The following ZDHHC23 variants were observed in gnomAD, a reference collection of about 807,000 sequenced individuals.
ZDHHC23 encodes the protein zDHHC palmitoyltransferase 23, also known as palmitoyltransferase ZDHHC23.
Under a neutral mutation model 40.2 loss-of-function variants are expected in ZDHHC23, and 41 were observed. That is an observed-to-expected ratio of 1.02 (90% CI 0.79 to 1.32). The LOEUF (loss-of-function observed/expected upper bound fraction) is 1.32. Among genes scored for constraint, ZDHHC23 ranks in the 40% most tolerant of loss-of-function variants. The probability of loss-of-function intolerance (pLI) is 0.00; values close to 1 mark genes in which losing one functional copy is unlikely to be tolerated. For synonymous variants in ZDHHC23, 204 were observed against 210.2 expected, an observed-to-expected ratio of 0.97 and a Z score of 0.26; for missense variants, 471 against 541.5, an observed-to-expected ratio of 0.87 and a Z score of 1.29.
rs1272504356 is a variant in ZDHHC23 at position 113,962,842 on chromosome 3, G to C, written c.*4212G>C. The C allele has an allele frequency of 6.6e-6, 1 of 152,094 alleles. No homozygotes were observed. The highest frequency in any genetic ancestry group is 1.5e-5 in the Non-Finnish European group (1 of 68,012). 9.4% of individuals were successfully genotyped at this position (152,094 alleles called of 1,614,324 possible). On this transcript the variant is annotated 3_prime_UTR_variant, in exon 5 of 5. Transcript: ENST00000638807. Reference sequence around the variant, plus strand: ...CATTTTGCACTGTTTTTATATACTTGTATTCATATCCTCTTATCACCTCAG... The same window carrying C: ...CATTTTGCACTGTTTTTATATACTTCTATTCATATCCTCTTATCACCTCAG...
rs1312518264 is a variant in ZDHHC23 at position 113,953,984 on chromosome 3, T to C, written c.446T>C (p.Leu149Pro). Reference protein sequence around the residue: ...LFFLSLGLFSLGYMYYVFLQE... With the variant: ...LFFLSLGLFSPGYMYYVFLQE... ...TTCCTGAGCCTTGGACTGTTCTCTC[T>C]GGGCTACATGTACTATGTGTTCCTG... is the stretch of plus-strand genomic sequence containing the variant. The change falls in exon 3 of 5, where the codon CTG becomes CCG. Residue 149 changes from leucine to proline, a missense_variant. Coordinates refer to ENST00000638807, the MANE Select transcript of ZDHHC23 (RefSeq NM_001320466.2). 6.2e-7 allele frequency: 1 copy of C among 1,614,166 alleles called. No individual in the cohort carries two copies. The highest frequency in any genetic ancestry group is 1.1e-5 in the South Asian group (1 of 91,070).
chr3:113,968,276 C>T (rs1217199351), downstream of ZDHHC23, among the ~76,000 whole-genome samples: 1 of 152,186 alleles, frequency 6.6e-6, no homozygotes, highest in African/African-American at 2.4e-5. Flanking sequence ...TTCCCTTTCT[C>T]CATATCCTCA....
Position 113,959,272 on chromosome 3 carries a change from AT to A in ZDHHC23, c.*645del. Reference sequence around the variant, plus strand: ...TATACCTTGTTGTACAGTTATGAGAATTTCTCCTTCTTATTAGACATGAACT... The same window carrying A: ...TATACCTTGTTGTACAGTTATGAGAATTCTCCTTCTTATTAGACATGAACT... On this transcript the variant is annotated 3_prime_UTR_variant, in exon 5 of 5. Transcript: ENST00000638807. 1 of 1,085,350 alleles carries A rather than the reference AT, an allele frequency of 9.2e-7. No homozygotes were observed. The highest frequency in any genetic ancestry group is 1.1e-6 in the Non-Finnish European group (1 of 881,200). 67.2% of individuals were successfully genotyped at this position (1,085,350 alleles called of 1,614,324 possible).
chr3:113,956,438 C>T lies in ZDHHC23; in HGVS notation c.972C>T (p.Asp324=). ...TSVYGITLTL[D]TICRDRSVFT... is the part of the protein sequence containing the mutation. ...TGTATGGGATCACACTGACCTTGGA[C>T]ACCATTTGTAGAGACAGAAGTGTCT... is the stretch of plus-strand genomic sequence containing the variant. The change falls in exon 4 of 5, where the codon GAC becomes GAT. Residue 324 remains aspartate, a synonymous_variant. Transcript: ENST00000638807. 6.2e-7 allele frequency: 1 copy of T among 1,614,208 alleles called. No homozygotes were observed.
Position 113,948,750 on chromosome 3 carries a change from T to C in ZDHHC23, c.-53T>C. 2 of 1,609,256 alleles carry C rather than the reference T, an allele frequency of 1.2e-6. No individual in the cohort carries two copies. Among genetic ancestry groups the C allele is most frequent in the Non-Finnish European group, 1.7e-6 (2 of 1,176,998 alleles). On this transcript the variant is annotated 5_prime_UTR_variant, in exon 2 of 5. Coordinates refer to ENST00000638807, the MANE Select transcript of ZDHHC23 (RefSeq NM_001320466.2). ...TTTACGAGATGTAAGTTGTGTTCTTTCCACCTTTACCTTCTGAGGGCTTCT... is the reference window on the plus strand; with the variant it reads ...TTTACGAGATGTAAGTTGTGTTCTTCCCACCTTTACCTTCTGAGGGCTTCT...
the ZDHHC23 span, chr3:113,978,648 A>G: frequency 1.5e-4 from 95 of 616,846 alleles, 1 homozygote; most frequent in East Asian, 2.6e-3. Context: ...GTTTATACAC[A>G]CTCCGTGAAA....
intron 2 of ZDHHC23, among the ~76,000 whole-genome samples, chr3:113,949,419 C>T (rs1938449857): frequency 6.6e-6 from 1 of 152,214 alleles, no homozygotes; most frequent in South Asian, 2.1e-4. Context: ...GCTGTTAGTA[C>T]TGGTCTTGCC....
At chr3:113,971,046 A>G in the ZDHHC23 span, among the ~76,000 whole-genome samples, 1 of 152,206 alleles carries the variant, frequency 6.6e-6, no homozygotes, top group Non-Finnish European at 1.5e-5. Context: ...GTGTCTTTAT[A>G]GCAGCATGAT....
chr3:113,979,382 T>C, the ZDHHC23 span, among the ~76,000 whole-genome samples: 10 of 152,228 alleles, frequency 6.6e-5, no homozygotes, highest in African/African-American at 2.4e-4. Context: ...CCTCTCTTTC[T>C]CATGACTTAA....
chr3:113,979,307 G>A, the ZDHHC23 span, among the ~76,000 whole-genome samples: 3 of 152,172 alleles, frequency 2.0e-5, no homozygotes, highest in African/African-American at 7.2e-5. Context: ...CTGAGTTTTG[G>A]AGTGGGTAGC....
chr3:113,959,348 T>C lies in ZDHHC23; in HGVS notation c.*718T>C. 1 of 1,109,600 alleles carries C rather than the reference T, an allele frequency of 9.0e-7. No homozygotes were observed. Among genetic ancestry groups the C allele is most frequent in the Middle Eastern group, 4.4e-4 (1 of 2,266 alleles). 68.7% of individuals were successfully genotyped at this position (1,109,600 alleles called of 1,614,324 possible). On this transcript the variant is annotated 3_prime_UTR_variant, in exon 5 of 5. Transcript: ENST00000638807. ...TGGATTGATGCTAAGTTGTCTCATC[T>C]TGAAAAGACAGTTGACAACAGTTAT...
chr3:113,949,520 C>T (rs1236798269), intron 2 of ZDHHC23, among the ~76,000 whole-genome samples: 1 of 152,210 alleles, frequency 6.6e-6, no homozygotes, highest in East Asian at 1.9e-4. Flanking sequence ...CTTGATTGAT[C>T]ATACTGTATT....
chr3:113,960,700 T>A lies in ZDHHC23; in HGVS notation c.*2070T>A, dbSNP rs974482865. The A allele has an allele frequency of 6.2e-7, 1 of 1,606,446 alleles. No individual in the cohort carries two copies. The highest frequency in any genetic ancestry group is 8.5e-7 in the Non-Finnish European group (1 of 1,177,220). On this transcript the variant is annotated 3_prime_UTR_variant, in exon 5 of 5. Transcript: ENST00000638807. The stretch of plus-strand genomic sequence containing the variant: ...AATTAGGAATGATGACAATTTTTTT[T>A]AACAACTTACCTCTAATAGGGTTAC...
rs1939668801 is a variant in ZDHHC23 at position 113,961,400 on chromosome 3, C to T, written c.*2770C>T. On this transcript the variant is annotated 3_prime_UTR_variant, in exon 5 of 5. Transcript: ENST00000638807. ...GATTCAAGGGAGAAAGATTAAGGAT[C>T]AGGATTGCATGAAAGAAGAAAATCC... 1 of 152,706 alleles carries T rather than the reference C, an allele frequency of 6.5e-6. No homozygotes were observed. Among genetic ancestry groups the T allele is most frequent in the South Asian group, 2.1e-4 (1 of 4,818 alleles). The allele number at this position is 152,706 out of a possible 1,614,324, so 9.5% of individuals were successfully genotyped here.
chr3:113,961,365 C>T lies in ZDHHC23; in HGVS notation c.*2735C>T, dbSNP rs143613551. 2.4e-4 allele frequency: 37 copies of T among 152,334 alleles called. No homozygotes were observed. The highest frequency in any genetic ancestry group is 8.4e-4 in the African/African-American group (35 of 41,468). 9.4% of individuals were successfully genotyped at this position (152,334 alleles called of 1,614,324 possible). A position where few individuals can be genotyped will look rare whatever the true frequency, so the allele number is the denominator to read the frequency against. ...TGTTCCTGGGGGGAGAAGAACAGAC[C>T]GATTTGAAAGATTCAAGGGAGAAAG... On this transcript the variant is annotated 3_prime_UTR_variant, in exon 5 of 5. Transcript: ENST00000638807.
At chr3:113,973,533 A>G in the ZDHHC23 span, among the ~76,000 whole-genome samples, 1 of 151,534 alleles carries the variant, frequency 6.6e-6, no homozygotes, top group Non-Finnish European at 1.5e-5. Flanking sequence ...TTCTGAGAAA[A>G]ACTTTCTCTA....
chr3:113,973,534 A>T, the ZDHHC23 span, among the ~76,000 whole-genome samples: 1 of 150,606 alleles, frequency 6.6e-6, no homozygotes, highest in South Asian at 2.1e-4. Context: ...TCTGAGAAAA[A>T]CTTTCTCTAT....
At chr3:113,952,317 T>C (rs1938752644) in intron 2 of ZDHHC23, among the ~76,000 whole-genome samples, 1 of 152,244 alleles carries the variant, frequency 6.6e-6, no homozygotes, top group South Asian at 2.1e-4. Flanking sequence ...TTTTTATAAG[T>C]GTCCAGGATC....
chr3:113,954,491 C>T (rs57144355), intron 3 of ZDHHC23, 81 bp downstream of exon 3: 3 of 1,325,820 alleles, frequency 2.3e-6, no homozygotes, highest in African/African-American at 3.0e-5. Context: ...CTTGTGCTAT[C>T]CCAAAATTTC....
Sources: gnomAD v4.1 joint callset for allele counts (sites outside exome capture counted in the v4.1 genomes callset) on GRCh38, gnomAD v4.1.1 for gene constraint, MANE v1.5 for transcripts, NCBI Gene and HGNC (gene_info 2026-07-23, HGNC 2026-07-21) for gene names.